The following EHMT1 variants were observed in gnomAD, a reference collection of about 807,000 sequenced individuals.
The protein encoded by EHMT1 is histone-lysine N-methyltransferase EHMT1.
EHMT1 carries 15 observed loss-of-function variants against 147.2 expected under a neutral mutation model. That is an observed-to-expected ratio of 0.10 (90% CI 0.07 to 0.16). The LOEUF (loss-of-function observed/expected upper bound fraction) is 0.16. Among genes scored for constraint, EHMT1 ranks in the 10% least tolerant of loss-of-function variants. EHMT1 has a pLI of 1.00. For missense variants in EHMT1, 1,587 were observed against 1,772.4 expected (o/e 0.90, Z 1.88); for synonymous variants, 795 against 709.6 (o/e 1.12, Z -1.91).
chr9:137,661,825 G>A (rs1242147177), intron 1 of EHMT1, among the ~76,000 whole-genome samples: 1 of 151,240 alleles, frequency 6.6e-6, no homozygotes, highest in East Asian at 1.9e-4. Context: ...TTTTTGAGAT[G>A]GAGTTTCCCT....
chr9:137,796,242 C>G (rs970187374), intron 16 of EHMT1, among the ~76,000 whole-genome samples: 2 of 152,114 alleles, frequency 1.3e-5, no homozygotes, highest in Non-Finnish European at 2.9e-5. Context: ...CACGGGGAAG[C>G]GTCTTTTAAG....
chr9:137,759,105 C>T (rs1006515105), intron 9 of EHMT1, among the ~76,000 whole-genome samples: 13 of 151,760 alleles, frequency 8.6e-5, no homozygotes, highest in Non-Finnish European at 1.6e-4. Flanking sequence ...CCAGCCTGGG[C>T]GACAGCGAGA....
Position 137,775,949 on chromosome 9 carries a change from G to GTC in EHMT1, c.1792-668_1792-667insCT, listed in dbSNP as rs374955100. On this transcript the variant is annotated intron_variant, in intron 11 of 26. Transcript: ENST00000460843. This position sits in a 1 kb window ranked among gnomAD's most constrained non-coding sequence, Gnocchi z 6.1. Reference sequence around the variant, plus strand: ...AGCCTCTGCCTGTAAGCGTCTGTCTGTGTGCGCCTGTGTGTGTGAGTGTTT... The same window carrying GTC: ...AGCCTCTGCCTGTAAGCGTCTGTCTGTCTGTGCGCCTGTGTGTGTGAGTGTTT... Among the ~76,000 whole-genome samples, 7 of 152,060 alleles carry GTC rather than the reference G, an allele frequency of 4.6e-5. No individual in the cohort carries two copies. The highest frequency in any genetic ancestry group is 1.7e-4 in the African/African-American group (7 of 41,394).
chr9:137,636,527 G>A lies in EHMT1; in HGVS notation c.21+17478G>A, dbSNP rs548988474. Among the ~76,000 whole-genome samples, 7 of 152,206 alleles carry A rather than the reference G, an allele frequency of 4.6e-5. No individual in the cohort carries two copies. In the South Asian group the frequency reaches 1.5e-3, roughly 32 times the overall value. The stretch of plus-strand genomic sequence containing the variant: ...CACCATTAGGTATGATATTAGCTAT[G>A]AGTTTTTCCATAGATGCCCTTTACT... On this transcript the variant is annotated intron_variant, in intron 1 of 26. Coordinates refer to ENST00000460843, the MANE Select transcript of EHMT1 (RefSeq NM_024757.5).
At position 137,776,930 on chromosome 9, in the gene EHMT1, G is replaced by GT. The variant is rs1588650818; in HGVS notation, c.2018+92dup. 10 of 1,291,016 alleles carry GT rather than the reference G, an allele frequency of 7.7e-6. No homozygotes were observed. Among genetic ancestry groups the GT allele is most frequent in the Admixed American group, 4.0e-5 (2 of 49,504 alleles). The allele number at this position is 1,291,016 out of a possible 1,614,324, so 80.0% of individuals were successfully genotyped here. On this transcript the variant is annotated intron_variant, in intron 12 of 26. Coordinates refer to ENST00000460843, the MANE Select transcript of EHMT1 (RefSeq NM_024757.5). The surrounding 1 kb of genome is among the most constrained non-coding windows in gnomAD (Gnocchi z 4.4). ...TAACTCAACGTTATTGCTTCCTGCT[G>GT]TTTTTTCCAGAAGTCTCTGAGCTGA...
Position 137,775,170 on chromosome 9 carries a change from C to T in EHMT1, c.1709C>T (p.Pro570Leu), listed in dbSNP as rs1335055740. 3.1e-6 allele frequency: 5 copies of T among 1,614,012 alleles called. No individual in the cohort carries two copies. The highest frequency in any genetic ancestry group is 1.3e-5 in the African/African-American group (1 of 75,046). ...YELMRPSNKAPLLVLCEDHRG... is the reference protein window; with the variant it reads ...YELMRPSNKALLLVLCEDHRG... ...CTGATGCGCCCCTCCAACAAGGCCCCGCTCCTCGTGCTGTGTGAAGACCAC... is the reference window on the plus strand; with the variant it reads ...CTGATGCGCCCCTCCAACAAGGCCCTGCTCCTCGTGCTGTGTGAAGACCAC... The change falls in exon 11 of 27, where the codon CCG becomes CTG. Residue 570 changes from proline to leucine, a missense_variant. This residue lies in a region of EHMT1 where 124 missense variants were observed against 197.8 expected (regional missense o/e 0.63). Coordinates refer to ENST00000460843, the MANE Select transcript of EHMT1 (RefSeq NM_024757.5). This position sits in a 1 kb window ranked among gnomAD's most constrained non-coding sequence, Gnocchi z 6.1.
At chr9:137,749,877 G>T (rs1448140448) in intron 6 of EHMT1, among the ~76,000 whole-genome samples, 1 of 152,206 alleles carries the variant, frequency 6.6e-6, no homozygotes, top group Non-Finnish European at 1.5e-5. Context: ...TGTCAAAGCC[G>T]ACTGAAGTGT....
intron 1 of EHMT1, among the ~76,000 whole-genome samples, chr9:137,657,043 C>A (rs1938533576): frequency 1.3e-5 from 2 of 152,078 alleles, no homozygotes; most frequent in Admixed American, 1.3e-4. Flanking sequence ...GCCTGGCCAC[C>A]CTTTTACTTT....
intron 1 of EHMT1, among the ~76,000 whole-genome samples, chr9:137,681,495 C>T (rs560243355): frequency 7.2e-5 from 11 of 152,162 alleles, no homozygotes; most frequent in Non-Finnish European, 1.2e-4. Flanking sequence ...AAAATTCCTT[C>T]GTTATTTGTA....
Position 137,716,712 on chromosome 9 carries a change from T to A in EHMT1, c.172T>A (p.Cys58Ser), listed in dbSNP as rs1945346257. Residue 58 changes from cysteine (C) to serine (S), a missense_variant, in exon 3 of 27, where the codon TGT becomes AGT. By Grantham distance (112) the Cys-to-Ser change is moderately radical (BLOSUM62 -1). This residue lies in a region of EHMT1 where 810 missense variants were observed against 673.0 expected (regional missense o/e 1.20). Transcript: ENST00000460843. ...MAADGETNGS[C>S]ENSDASSHAN... ...TGCGGACGGTGAGACCAATGGGTCT[T>A]GTGAAAACAGCGATGCCAGCAGTCA... The A allele has an allele frequency of 2.5e-6, 4 of 1,611,618 alleles. No homozygotes were observed. The East Asian group carries it at 8.9e-5, about 36-fold the overall frequency.
chr9:137,815,250 C>T (rs987168036), intron 22 of EHMT1: 7 of 164,172 alleles, frequency 4.3e-5, no homozygotes, highest in East Asian at 1.7e-4. Flanking sequence ...GAAAAGGATT[C>T]GTGCCAGTGA....
intron 9 of EHMT1, among the ~76,000 whole-genome samples, chr9:137,760,594 C>T (rs902610946): frequency 6.6e-6 from 1 of 152,180 alleles, no homozygotes; most frequent in Admixed American, 6.5e-5. Flanking sequence ...GTGGACCGTT[C>T]ACGTGCTTTT....
intron 15 of EHMT1, chr9:137,784,427 C>T (rs552312604): frequency 8.4e-6 from 10 of 1,197,252 alleles, no homozygotes; most frequent in Admixed American, 4.3e-5. Context: ...CTTTTTTGGT[C>T]GTTCGTGCAT....
intron 9 of EHMT1, among the ~76,000 whole-genome samples, chr9:137,758,523 C>T (rs1408307081): frequency 6.6e-6 from 1 of 152,194 alleles, no homozygotes. Flanking sequence ...CAGAAGTTGT[C>T]CGTTCTCACA....
At chr9:137,722,447 C>G (rs1045794464) in intron 3 of EHMT1, among the ~76,000 whole-genome samples, 6 of 152,234 alleles carry the variant, frequency 3.9e-5, no homozygotes, top group African/African-American at 1.4e-4. Context: ...ACCTGGTTTC[C>G]TGAAGACTCT....
intron 3 of EHMT1, among the ~76,000 whole-genome samples, chr9:137,718,122 TCA>T (rs1945539921): frequency 6.6e-6 from 1 of 151,860 alleles, no homozygotes; most frequent in Non-Finnish European, 1.5e-5. Context: ...GTGATGATTT[TCA>T]CACACAGGGC....
intron 14 of EHMT1, among the ~76,000 whole-genome samples, chr9:137,780,391 A>G: frequency 4.1e-5 from 5 of 122,026 alleles, no homozygotes; most frequent in Admixed American, 8.4e-5. Context: ...TGACGCTGGG[A>G]TGTGTGGTGA....
rs1453874198 is a variant in EHMT1, at chr9:137,752,352, G to C, written c.1192G>C (p.Glu398Gln). Residue 398 changes from glutamate (E) to glutamine (Q), a missense_variant, in exon 7 of 27, where the codon GAG becomes CAG. Physicochemically the swap from Glu to Gln is conservative, Grantham distance 29 (BLOSUM62 2). Transcript: ENST00000460843. ...AQKMDGESEE[E>Q]QESVDTGEEE... is the part of the protein sequence containing the mutation. ...TCAGATGGACGGGGAGTCCGAGGAG[G>C]AGCAGGAGTCCGTGGACACCGGGGA... 6.2e-7 allele frequency: 1 copy of C among 1,614,128 alleles called. No homozygotes were observed. Among genetic ancestry groups the C allele is most frequent in the Admixed American group, 1.7e-5 (1 of 60,012 alleles).
intron 25 of EHMT1, among the ~76,000 whole-genome samples, chr9:137,827,567 C>T (rs1019118004): frequency 3.9e-5 from 6 of 152,194 alleles, no homozygotes; most frequent in Admixed American, 1.3e-4. Flanking sequence ...CCTGGGTCTG[C>T]CCCAGCCCTG....
Sources: allele counts gnomAD v4.1 joint callset (sites outside exome capture counted in the v4.1 genomes callset), GRCh38; gene constraint gnomAD v4.1.1; regional missense constraint gnomAD v4.1.1; non-coding constraint Gnocchi (gnomAD v3.1); transcripts MANE v1.5; gene names NCBI Gene and HGNC (gene_info 2026-07-23, HGNC 2026-07-21).